Variants in NFIA observed in about 807,000 individuals in gnomAD.
NFIA encodes the protein nuclear factor 1 A-type.
In NFIA, 8 loss-of-function variants were observed where a neutral mutation model predicts 62.8. The ratio of observed to expected loss-of-function variants is 0.13; its 90% CI spans 0.07 to 0.23. NFIA has a LOEUF of 0.23. Ranked by LOEUF, NFIA falls within the 10% of genes least tolerant of loss-of-function variation. NFIA has a pLI of 1.00. For missense variants in NFIA, 410 were observed against 642.1 expected (o/e 0.64, Z 3.91); for synonymous variants, 235 against 238.1 (o/e 0.99, Z 0.12).
Position 61,453,641 on chromosome 1 carries a change from G to C in NFIA, c.1513-1662G>C, listed in dbSNP as rs17122237. ...TGAAGAAGTCTGGAATTTCACAACCGACTTAGAAAGTGTGAAAACAGAAAT... is the reference window on the plus strand; with the variant it reads ...TGAAGAAGTCTGGAATTTCACAACCCACTTAGAAAGTGTGAAAACAGAAAT... On this transcript the variant is annotated intron_variant, in intron 10 of 10. Transcript: ENST00000403491. 4.2e-3 allele frequency among the ~76,000 whole-genome samples: 636 copies of C among 152,054 alleles called. 14 individuals are homozygous for C. The highest frequency in any genetic ancestry group is 0.036 in the East Asian group (188 of 5,156).
chr1:61,389,679 CAA>C (rs550040139), intron 7 of NFIA, among the ~76,000 whole-genome samples: 7 of 151,690 alleles, frequency 4.6e-5, no homozygotes, highest in Non-Finnish European at 7.4e-5. Context: ...TTTTATGAGT[CAA>C]AGTCATAACA....
chr1:61,234,501 T>G (rs1050857937), intron 2 of NFIA, among the ~76,000 whole-genome samples: 1 of 152,144 alleles, frequency 6.6e-6, no homozygotes, highest in Non-Finnish European at 1.5e-5. Flanking sequence ...CCAACTCTTC[T>G]GTGAGCTCTG....
chr1:61,453,189 G>T (rs978963830), intron 10 of NFIA, among the ~76,000 whole-genome samples: 1 of 152,154 alleles, frequency 6.6e-6, no homozygotes, highest in Non-Finnish European at 1.5e-5. Flanking sequence ...GGCCTGCTAC[G>T]TCAGAACCAC....
upstream of NFIA, chr1:61,077,675 C>A: frequency 7.4e-7 from 1 of 1,350,922 alleles, no homozygotes; most frequent in Non-Finnish European, 9.8e-7. Context: ...ATATGATATG[C>A]GTTTTATAAA....
chr1:61,224,315 A>C (rs1022050936), intron 2 of NFIA, among the ~76,000 whole-genome samples: 1 of 152,122 alleles, frequency 6.6e-6, no homozygotes, highest in South Asian at 2.1e-4. Flanking sequence ...CATAGAAAAA[A>C]GTGTGCTTTT....
chr1:61,328,739 T>A (rs1253580793), intron 3 of NFIA, among the ~76,000 whole-genome samples: 1 of 144,316 alleles, frequency 6.9e-6, no homozygotes, highest in Non-Finnish European at 1.5e-5. Context: ...TTTTTTTTTT[T>A]TTGAGACGGA....
upstream of NFIA, chr1:61,077,696 A>T: frequency 7.8e-7 from 1 of 1,281,758 alleles, no homozygotes; most frequent in Non-Finnish European, 1.0e-6. Flanking sequence ...CAATGGTAGA[A>T]TGATTTTGTT....
At chr1:61,194,192 A>G (rs1289453022) in intron 2 of NFIA, among the ~76,000 whole-genome samples, 1 of 152,206 alleles carries the variant, frequency 6.6e-6, no homozygotes, top group Non-Finnish European at 1.5e-5. Context: ...CCCATCCATT[A>G]AGATGTCATA....
intron 5 of NFIA, among the ~76,000 whole-genome samples, chr1:61,356,503 A>T (rs984285971): frequency 1.3e-5 from 2 of 152,208 alleles, no homozygotes; most frequent in Non-Finnish European, 2.9e-5. Context: ...TTGCCAAGGC[A>T]AAAAGGGTTA....
intron 2 of NFIA, among the ~76,000 whole-genome samples, chr1:61,193,333 C>T (rs2100578340): frequency 6.6e-6 from 1 of 152,318 alleles, no homozygotes; most frequent in African/African-American, 2.4e-5. Context: ...CTGAATACTA[C>T]AAGAAGGATC....
chr1:61,441,178 T>C (rs1435944729), intron 10 of NFIA, among the ~76,000 whole-genome samples: 1 of 152,216 alleles, frequency 6.6e-6, no homozygotes, highest in African/African-American at 2.4e-5. Context: ...AAAGGTGTTT[T>C]ATAAAAGCCC....
At chr1:61,288,118 TTTAA>T (rs1382917768) in intron 3 of NFIA, among the ~76,000 whole-genome samples, 2 of 152,166 alleles carry the variant, frequency 1.3e-5, no homozygotes, top group East Asian at 1.9e-4. Context: ...AGTGTATAAG[TTTAA>T]TTAGTCGTGT....
At position 61,271,974 on chromosome 1, in the gene NFIA, G is replaced by T. The variant is rs575878653; in HGVS notation, c.560-5546G>T. Among the ~76,000 whole-genome samples, 13 of 152,234 alleles carry T rather than the reference G, an allele frequency of 8.5e-5. No homozygotes were observed. The East Asian group carries it at 1.9e-3, about 23-fold the overall frequency. ...ATCTTTTATCTGTTTTAGGAACTCG[G>T]TTATTGTACGTTAATTTTCATTAAG... On this transcript the variant is annotated intron_variant, in intron 2 of 10. Transcript: ENST00000403491.
upstream of NFIA, chr1:61,082,429 G>A: frequency 2.0e-6 from 2 of 1,013,468 alleles, no homozygotes; most frequent in South Asian, 6.4e-5. Context: ...GTGCAGAGCG[G>A]AGGCGGAGGC....
At chr1:61,139,401 G>A (rs1430462093) in intron 2 of NFIA, among the ~76,000 whole-genome samples, 1 of 152,176 alleles carries the variant, frequency 6.6e-6, no homozygotes, top group Non-Finnish European at 1.5e-5. Flanking sequence ...CAGCTTGCTG[G>A]TGCAGCCGAG....
At chr1:61,295,233 A>G (rs192572666) in intron 3 of NFIA, among the ~76,000 whole-genome samples, 7 of 152,300 alleles carry the variant, frequency 4.6e-5, no homozygotes, top group Admixed American at 3.9e-4. Context: ...AGTGTGAGAG[A>G]AATACTCATT....
At chr1:61,185,951 C>T (rs1159700417) in intron 2 of NFIA, among the ~76,000 whole-genome samples, 1 of 152,112 alleles carries the variant, frequency 6.6e-6, no homozygotes, top group Non-Finnish European at 1.5e-5. Context: ...TGATGTCAGT[C>T]CCACAAGGAT....
chr1:61,161,046 C>A (rs1245698535), intron 2 of NFIA, among the ~76,000 whole-genome samples: 2 of 152,152 alleles, frequency 1.3e-5, no homozygotes, highest in Non-Finnish European at 2.9e-5. Flanking sequence ...TCTTGAGTAG[C>A]AGCGATTACA....
At chr1:61,441,292 G>GTGT (rs1667561527) in intron 10 of NFIA, among the ~76,000 whole-genome samples, 1 of 139,372 alleles carries the variant, frequency 7.2e-6, no homozygotes, top group South Asian at 2.4e-4. Context: ...GCCGTGCAGG[G>GTGT]GTGTGTGTGT....
Sources: gnomAD v4.1 joint callset for allele counts (sites outside exome capture counted in the v4.1 genomes callset) on GRCh38, gnomAD v4.1.1 for gene constraint, MANE v1.5 for transcripts, NCBI Gene and HGNC (gene_info 2026-07-23, HGNC 2026-07-21) for gene names.